The following TMTC2 variants were observed in gnomAD, a reference collection of about 807,000 sequenced individuals.
The protein encoded by TMTC2 is protein O-mannosyl-transferase TMTC2.
A neutral mutation model predicts 82.4 loss-of-function variants in TMTC2; 43 were observed. That is an observed-to-expected ratio of 0.52 (90% CI 0.41 to 0.67). TMTC2 has a LOEUF of 0.67. Ranked by LOEUF, TMTC2 falls within the 30% of genes least tolerant of loss-of-function variation. TMTC2 has a pLI of 0.00. For missense variants in TMTC2, 919 were observed against 1,012.4 expected (o/e 0.91, Z 1.25); for synonymous variants, 408 against 381.9 (o/e 1.07, Z -0.80).
intron 5 of TMTC2, 52 bp from the exon 6 acceptor site, chr12:82,965,508 A>T (rs1051215741): frequency 5.0e-6 from 8 of 1,585,178 alleles, no homozygotes; most frequent in African/African-American, 1.4e-5. Context: ...ACTTTATTTT[A>T]TTCAAGTGTA....
intron 2 of TMTC2, among the ~76,000 whole-genome samples, chr12:82,878,377 C>A (rs750721057): frequency 1.2e-4 from 19 of 152,150 alleles, no homozygotes; most frequent in South Asian, 4.1e-4. Context: ...ATATGTGATA[C>A]AAGTTATGAG....
intron 10 of TMTC2, among the ~76,000 whole-genome samples, chr12:83,056,353 G>T (rs1244469812): frequency 6.6e-6 from 1 of 151,852 alleles, no homozygotes; most frequent in Non-Finnish European, 1.5e-5. Flanking sequence ...AGTAAAAATA[G>T]CAAAACTCTA....
intron 2 of TMTC2, among the ~76,000 whole-genome samples, chr12:82,894,278 C>T (rs2137176727): frequency 6.6e-6 from 1 of 152,138 alleles, no homozygotes; most frequent in African/African-American, 2.4e-5. Flanking sequence ...AAATCATGAA[C>T]CTTGTTGAGG....
intron 4 of TMTC2, among the ~76,000 whole-genome samples, chr12:82,938,148 A>G (rs996916909): frequency 6.6e-6 from 1 of 151,754 alleles, no homozygotes; most frequent in Admixed American, 6.6e-5. Flanking sequence ...TCCTGACCTG[A>G]GGTGATCCAC....
intron 1 of TMTC2, among the ~76,000 whole-genome samples, chr12:82,814,882 T>C (rs936248337): frequency 6.6e-6 from 1 of 152,162 alleles, no homozygotes; most frequent in Non-Finnish European, 1.5e-5. Flanking sequence ...GAATCAGTGC[T>C]GTAGCTCAGG....
At chr12:83,013,056 G>A (rs1261248895) in intron 8 of TMTC2, among the ~76,000 whole-genome samples, 16 of 152,090 alleles carry the variant, frequency 1.1e-4, no homozygotes, top group Admixed American at 1.0e-3. Flanking sequence ...GAGTTTTGCT[G>A]TAGTTTTGCT....
chr12:82,829,840 G>C (rs1220616662), intron 1 of TMTC2, among the ~76,000 whole-genome samples: 1 of 152,176 alleles, frequency 6.6e-6, no homozygotes, highest in Non-Finnish European at 1.5e-5. Context: ...GGGTGGGGTT[G>C]ATAGGCAAGG....
chr12:82,985,404 C>A (rs565695496), intron 7 of TMTC2, among the ~76,000 whole-genome samples: 29 of 152,284 alleles, frequency 1.9e-4, no homozygotes, highest in African/African-American at 7.0e-4. Flanking sequence ...AAGAAATTAG[C>A]AGCAGTGTTT....
At chr12:83,003,388 T>C (rs1466409431) in intron 8 of TMTC2, among the ~76,000 whole-genome samples, 2 of 147,808 alleles carry the variant, frequency 1.4e-5, no homozygotes, top group Admixed American at 1.3e-4. Context: ...TCTATGCCTC[T>C]TACGTGGGGG....
At chr12:82,948,391 T>C (rs990587183) in intron 4 of TMTC2, among the ~76,000 whole-genome samples, 1 of 151,952 alleles carries the variant, frequency 6.6e-6, no homozygotes, top group Non-Finnish European at 1.5e-5. Flanking sequence ...AAAAAGATTG[T>C]TATGAATAGT....
At position 82,844,316 on chromosome 12, in the gene TMTC2, G is replaced by A. The variant is rs778626586; in HGVS notation, c.84-12694G>A. ...GTTCTGAAATGTGTACAGCACATGCGTAAAGGCAAGTATTTTAACTGGGTG... is the reference window on the plus strand; with the variant it reads ...GTTCTGAAATGTGTACAGCACATGCATAAAGGCAAGTATTTTAACTGGGTG... On this transcript the variant is annotated intron_variant, in intron 1 of 11. Transcript: ENST00000321196. 6.2e-4 allele frequency among the ~76,000 whole-genome samples: 95 copies of A among 152,156 alleles called. 2 individuals are homozygous for A. The highest frequency in any genetic ancestry group is 4.1e-4 in the Non-Finnish European group (28 of 68,030).
chr12:82,808,398 A>G (rs1306927395), intron 1 of TMTC2, among the ~76,000 whole-genome samples: 1 of 152,074 alleles, frequency 6.6e-6, no homozygotes, highest in African/African-American at 2.4e-5. Flanking sequence ...ACAATAAAAT[A>G]ACTTTTATTG....
intron 7 of TMTC2, among the ~76,000 whole-genome samples, chr12:82,984,338 T>TA (rs1354513420): frequency 6.6e-6 from 1 of 152,154 alleles, no homozygotes; most frequent in Non-Finnish European, 1.5e-5. Context: ...TTATGCATAC[T>TA]ATGTATTATT....
intron 11 of TMTC2, among the ~76,000 whole-genome samples, chr12:83,071,307 A>G (rs2137488243): frequency 6.6e-6 from 1 of 151,640 alleles, no homozygotes; most frequent in East Asian, 1.9e-4. Flanking sequence ...GGCAACTGCT[A>G]CCATGCCCGG....
rs750382234 is a variant in TMTC2 at position 82,997,157 on chromosome 12, C to CCTCTCTCT, written c.2070+11123_2070+11130dup. Among the ~76,000 whole-genome samples, 16 of 41,336 alleles carry CCTCTCTCT rather than the reference C, an allele frequency of 3.9e-4. 1 individual carries two copies. The highest frequency in any genetic ancestry group is 1.1e-3 in the East Asian group (1 of 922). 27.1% of individuals were successfully genotyped at this position (41,336 alleles called of 152,430 possible). ...GACTCCCTCATCATTTTGATACTTC[C>CCTCTCTCT]CTCTCTCTCTCTCTCTCTCCCACCC... On this transcript the variant is annotated intron_variant, in intron 8 of 11. Transcript: ENST00000321196.
At chr12:82,783,772 C>T (rs541725943) in intron 1 of TMTC2, among the ~76,000 whole-genome samples, 1 of 151,896 alleles carries the variant, frequency 6.6e-6, no homozygotes, top group East Asian at 1.9e-4. Context: ...CAAGCTTCTG[C>T]AGTAAATGAA....
At chr12:82,865,064 A>AAAC (rs1871771544) in intron 2 of TMTC2, among the ~76,000 whole-genome samples, 1 of 150,678 alleles carries the variant, frequency 6.6e-6, no homozygotes, top group African/African-American at 2.4e-5. Flanking sequence ...AATACAAAAA[A>AAAC]AAAAAAAAAA....
chr12:82,866,310 C>A (rs1294676656), intron 2 of TMTC2, among the ~76,000 whole-genome samples: 1 of 146,870 alleles, frequency 6.8e-6, no homozygotes, highest in Non-Finnish European at 1.5e-5. Context: ...CCTTGATGAA[C>A]AATGTTCAGA....
At position 82,734,267 on chromosome 12, in the gene TMTC2, G is replaced by A. The variant is rs114985565; in HGVS notation, c.83+46598G>A. Among the ~76,000 whole-genome samples the A allele has an allele frequency of 3.3e-3, 502 of 152,286 alleles. 3 individuals carry two copies. The highest frequency in any genetic ancestry group is 0.011 in the African/African-American group (451 of 41,560). On this transcript the variant is annotated intron_variant, in intron 1 of 11. Coordinates refer to ENST00000321196, the MANE Select transcript of TMTC2 (RefSeq NM_152588.3). ...TATTCTCTGCTCAGGGTCTAATAGG[G>A]CTAAAGTCAAGGTGTTAACTGCTTC...
Sources: allele counts gnomAD v4.1 joint callset (sites outside exome capture counted in the v4.1 genomes callset), GRCh38; gene constraint gnomAD v4.1.1; transcripts MANE v1.5; gene names NCBI Gene and HGNC (gene_info 2026-07-23, HGNC 2026-07-21).